CCDC149: variants seen among roughly 807,000 people sequenced by gnomAD.
CCDC149 encodes the protein coiled-coil domain containing 149.
A neutral mutation model predicts 59.9 loss-of-function variants in CCDC149; 45 were observed. The observed-to-expected ratio is 0.75, with a 90% CI of 0.59 to 0.96. The LOEUF (loss-of-function observed/expected upper bound fraction) is 0.96. Ranked by LOEUF, CCDC149 falls within the 40% of genes least tolerant of loss-of-function variation. CCDC149 has a pLI of 0.00. For missense variants in CCDC149, 584 were observed against 664.7 expected, an observed-to-expected ratio of 0.88 and a Z score of 1.33; for synonymous variants, 245 against 260.6, an observed-to-expected ratio of 0.94 and a Z score of 0.58.
chr4:24,877,264 C>T (rs1719523209), intron 1 of CCDC149, among the ~76,000 whole-genome samples: 1 of 152,086 alleles, frequency 6.6e-6, no homozygotes, highest in Non-Finnish European at 1.5e-5. Context: ...CGGCTTACTG[C>T]AACCTCCACC....
At chr4:24,869,843 T>G (rs533514120) in intron 3 of CCDC149, among the ~76,000 whole-genome samples, 2 of 152,298 alleles carry the variant, frequency 1.3e-5, no homozygotes, top group East Asian at 3.9e-4. Context: ...ATTAGTTTAG[T>G]GGACATCACT....
chr4:24,905,090 C>G (rs1309442335), intron 1 of CCDC149, among the ~76,000 whole-genome samples: 2 of 151,990 alleles, frequency 1.3e-5, no homozygotes, highest in Non-Finnish European at 1.5e-5. Context: ...TTAGTAGAGA[C>G]AGGGTTTCAC....
chr4:24,876,538 T>A lies in CCDC149; in HGVS notation c.223A>T (p.Ile75Phe). 1 of 1,612,882 alleles carries A rather than the reference T, an allele frequency of 6.2e-7. No individual in the cohort carries two copies. Among genetic ancestry groups the A allele is most frequent in the Non-Finnish European group, 8.5e-7 (1 of 1,179,156 alleles). Residue 75 changes from isoleucine (I) to phenylalanine (F), a missense_variant and splice_region_variant, in exon 2 of 13, where the codon ATT becomes TTT. Ile to Phe is a conservative substitution (Grantham distance 21, BLOSUM62 0). Coordinates refer to ENST00000635206, the MANE Select transcript of CCDC149 (RefSeq NM_001330643.2). ...GAACAGGGCAGCCTAACACTTACAA[T>A]CAGCTCTCGGTACTTCTTCTTCAGT...
intron 1 of CCDC149, among the ~76,000 whole-genome samples, chr4:24,893,942 TA>T (rs781155734): frequency 4.5e-4 from 68 of 152,308 alleles, no homozygotes; most frequent in Non-Finnish European, 6.6e-4. Context: ...TGCTTCAGTG[TA>T]CCAGGTTGGT....
rs768474123 is a variant in CCDC149, at chr4:24,876,536, A to G, written c.225T>C (p.Ile75=). Residue 75 remains isoleucine, a splice_region_variant and synonymous_variant, in exon 2 of 13, where the codon ATT becomes ATC. Coordinates refer to ENST00000635206, the MANE Select transcript of CCDC149 (RefSeq NM_001330643.2). ...CTGAACAGGGCAGCCTAACACTTACAATCAGCTCTCGGTACTTCTTCTTCA... is the reference window on the plus strand; with the variant it reads ...CTGAACAGGGCAGCCTAACACTTACGATCAGCTCTCGGTACTTCTTCTTCA... The G allele has an allele frequency of 6.2e-7, 1 of 1,612,752 alleles. No individual in the cohort carries two copies. The highest frequency in any genetic ancestry group is 2.2e-5 in the East Asian group (1 of 44,862).
intron 1 of CCDC149, among the ~76,000 whole-genome samples, chr4:24,963,593 CCACT>C (rs1723710873): frequency 6.6e-6 from 1 of 152,108 alleles, no homozygotes; most frequent in African/African-American, 2.4e-5. Flanking sequence ...GTTTATGTTC[CCACT>C]CACTCAATGG....
intron 1 of CCDC149, among the ~76,000 whole-genome samples, chr4:24,919,996 C>A (rs1028961181): frequency 1.3e-5 from 2 of 152,186 alleles, no homozygotes; most frequent in African/African-American, 4.8e-5. Flanking sequence ...CCCAAGGTCA[C>A]AAAGTATATT....
chr4:24,973,063 C>G (rs2038942188), intron 1 of CCDC149, among the ~76,000 whole-genome samples: 1 of 152,192 alleles, frequency 6.6e-6, no homozygotes, highest in Non-Finnish European at 1.5e-5. Context: ...GATTCCAGGT[C>G]TTTAGATAAT....
intron 1 of CCDC149, among the ~76,000 whole-genome samples, chr4:24,946,601 T>G (rs1023515811): frequency 5.9e-5 from 9 of 152,324 alleles, no homozygotes; most frequent in African/African-American, 2.2e-4. Flanking sequence ...CGCAGTTGCA[T>G]AGCTAGTGAG....
intron 1 of CCDC149, among the ~76,000 whole-genome samples, chr4:24,938,055 C>G (rs1387209036): frequency 2.0e-5 from 3 of 152,194 alleles, no homozygotes; most frequent in African/African-American, 7.2e-5. Flanking sequence ...AGAGCATATG[C>G]TTGAAATTTC....
At chr4:24,815,863 G>A (rs962497610) in intron 12 of CCDC149, among the ~76,000 whole-genome samples, 1 of 152,098 alleles carries the variant, frequency 6.6e-6, no homozygotes, top group African/African-American at 2.4e-5. Flanking sequence ...GGGTGCGTGT[G>A]GGGCCAACAC....
intron 3 of CCDC149, among the ~76,000 whole-genome samples, chr4:24,871,475 A>G (rs1719038853): frequency 6.6e-6 from 1 of 152,252 alleles, no homozygotes; most frequent in South Asian, 2.1e-4. Flanking sequence ...AACGGGAAAC[A>G]CACAGCATTA....
intron 1 of CCDC149, among the ~76,000 whole-genome samples, chr4:24,962,114 G>GA (rs1441252412): frequency 5.9e-5 from 9 of 151,454 alleles, no homozygotes; most frequent in African/African-American, 1.9e-4. Context: ...AAATTTACAA[G>GA]AAAAAAACAA....
At chr4:24,845,266 T>C (rs754723359) in intron 4 of CCDC149, among the ~76,000 whole-genome samples, 31 of 152,288 alleles carry the variant, frequency 2.0e-4, no homozygotes, top group Non-Finnish European at 3.5e-4. Context: ...ACACCCCATG[T>C]CCCTATATCT....
At chr4:24,899,695 A>G (rs551131659) in intron 1 of CCDC149, among the ~76,000 whole-genome samples, 49 of 152,252 alleles carry the variant, frequency 3.2e-4, no homozygotes, top group South Asian at 1.2e-3. Flanking sequence ...AGTCCCTCAC[A>G]TACACTCCTG....
At chr4:24,908,396 T>C (rs1000888912) in intron 1 of CCDC149, among the ~76,000 whole-genome samples, 1 of 152,100 alleles carries the variant, frequency 6.6e-6, no homozygotes, top group Non-Finnish European at 1.5e-5. Flanking sequence ...CAACCTCTCC[T>C]TTCCAAATAT....
In CCDC149 at chr4:24,838,143, TGTTA is replaced by T. The variant is rs777776689; in HGVS notation, c.489+9_489+12del. 6.3e-7 allele frequency: 1 copy of T among 1,587,270 alleles called. No homozygotes were observed. The highest frequency in any genetic ancestry group is 8.7e-7 in the Non-Finnish European group (1 of 1,155,354). ...AAATGCATCCCCCACTCTGAATAGA[TGTTA>T]GTGAGAACCTGTTCCTTAGCTCGCT... On this transcript the variant is annotated intron_variant, in intron 5 of 12. Transcript: ENST00000635206.
intron 1 of CCDC149, among the ~76,000 whole-genome samples, chr4:24,928,367 G>A (rs1722489267): frequency 6.6e-6 from 1 of 152,200 alleles, no homozygotes; most frequent in African/African-American, 2.4e-5. Flanking sequence ...ATGGCGAAGG[G>A]GAGGAGAGGG....
chr4:24,939,817 A>G (rs1428703250), intron 1 of CCDC149, among the ~76,000 whole-genome samples: 1 of 152,232 alleles, frequency 6.6e-6, no homozygotes, highest in Non-Finnish European at 1.5e-5. Context: ...GAAATGAATG[A>G]AACGATGCGT....
Sources: gnomAD v4.1 joint callset for allele counts (sites outside exome capture counted in the v4.1 genomes callset) on GRCh38, gnomAD v4.1.1 for gene constraint, MANE v1.5 for transcripts, NCBI Gene and HGNC (gene_info 2026-07-23, HGNC 2026-07-21) for gene names.